Variants in KRTAP17-1 observed in about 807,000 individuals in gnomAD.
The protein encoded by KRTAP17-1 is keratin-associated protein 17-1.
In KRTAP17-1, 2 loss-of-function variants were observed where a neutral mutation model predicts 10.4. The ratio of observed to expected loss-of-function variants is 0.19; its 90% CI spans 0.08 to 0.61. The LOEUF is 0.61. Ranked by LOEUF, KRTAP17-1 falls within the 20% of genes least tolerant of loss-of-function variation. The pLI is 0.89. For missense variants in KRTAP17-1, 143 were observed against 136.8 expected (o/e 1.05, Z -0.23); for synonymous variants, 62 against 52.7 (o/e 1.18, Z -0.77).
At position 41,315,522 on chromosome 17, in the gene KRTAP17-1, GCAGCCAGAGCCCCCA is replaced by G. The variant is rs1348150856; in HGVS notation, c.114_128del (p.Gly47_Ser51del). 8 of 1,570,128 alleles carry G rather than the reference GCAGCCAGAGCCCCCA, an allele frequency of 5.1e-6. No homozygotes were observed. Among genetic ancestry groups the G allele is most frequent in the East Asian group, 2.3e-5 (1 of 42,994 alleles). On this transcript the variant is annotated inframe_deletion, in exon 1 of 1. Coordinates refer to ENST00000334202, the MANE Select transcript of KRTAP17-1 (RefSeq NM_031964.2). ...AGCTGCCCCCGCAGCCAGAGCCCCC[GCAGCCAGAGCCCCCA>G]CAGCCACAGCAGGAGCCGCAGCAGC... is the stretch of plus-strand genomic sequence containing the variant.
Position 41,315,251 on chromosome 17 carries a change from A to T in KRTAP17-1, c.*82T>A. The T allele has an allele frequency of 7.4e-7, 1 of 1,350,674 alleles. No homozygotes were observed. The highest frequency in any genetic ancestry group is 1.0e-6 in the Non-Finnish European group (1 of 982,624). 83.7% of individuals were successfully genotyped at this position (1,350,674 alleles called of 1,614,324 possible). On this transcript the variant is annotated 3_prime_UTR_variant, in exon 1 of 1. Transcript: ENST00000334202. ...CAAGACACTGTCTTGGGGGTATGGA[A>T]GGTTCTGGACACGAGGGGCTGTCCC...
In KRTAP17-1 at chr17:41,315,145, A is replaced by G. The variant is rs765385037; in HGVS notation, c.*188T>C. 2 of 613,258 alleles carry G rather than the reference A, an allele frequency of 3.3e-6. No individual in the cohort carries two copies. Among genetic ancestry groups the G allele is most frequent in the Non-Finnish European group, 5.7e-6 (2 of 351,466 alleles). 38.0% of individuals were successfully genotyped at this position (613,258 alleles called of 1,614,324 possible). A position where few individuals can be genotyped will look rare whatever the true frequency, so the allele number is the denominator to read the frequency against. ...TGACCGAGTTTTAATGTTTCATCAG[A>G]GTATGGCTCTTGTTCTCGGTGCCTT... On this transcript the variant is annotated 3_prime_UTR_variant, in exon 1 of 1. Coordinates refer to ENST00000334202, the MANE Select transcript of KRTAP17-1 (RefSeq NM_031964.2).
Position 41,315,292 on chromosome 17 carries a change from G to A in KRTAP17-1, c.*41C>T. On this transcript the variant is annotated 3_prime_UTR_variant, in exon 1 of 1. Coordinates refer to ENST00000334202, the MANE Select transcript of KRTAP17-1 (RefSeq NM_031964.2). ...GGGCTGTCCCCCTGGAGCAGATGGA[G>A]GCTTTCGGTGGGACTGCATCAGTGG... The A allele has an allele frequency of 6.4e-7, 1 of 1,554,580 alleles. No homozygotes were observed. Among genetic ancestry groups the A allele is most frequent in the African/African-American group, 1.3e-5 (1 of 74,340 alleles).
In KRTAP17-1 at chr17:41,315,271, T is replaced by A; in HGVS notation, c.*62A>T. 2 of 1,489,082 alleles carry A rather than the reference T, an allele frequency of 1.3e-6. No individual in the cohort carries two copies. Among genetic ancestry groups the A allele is most frequent in the Non-Finnish European group, 1.8e-6 (2 of 1,098,230 alleles). 92.2% of individuals were successfully genotyped at this position (1,489,082 alleles called of 1,614,324 possible). On this transcript the variant is annotated 3_prime_UTR_variant, in exon 1 of 1. Coordinates refer to ENST00000334202, the MANE Select transcript of KRTAP17-1 (RefSeq NM_031964.2). ...ATGGAAGGTTCTGGACACGAGGGGC[T>A]GTCCCCCTGGAGCAGATGGAGGCTT...
rs1216069766 is a variant in KRTAP17-1 at position 41,315,328 on chromosome 17, G to A, written c.*5C>T. On this transcript the variant is annotated 3_prime_UTR_variant, in exon 1 of 1. Transcript: ENST00000334202. ...GGACTGCATCAGTGGTGGAGGGAAA[G>A]GTCTTCATTTTGTGTCGCATATAGG... 2 of 1,598,526 alleles carry A rather than the reference G, an allele frequency of 1.3e-6. No individual in the cohort carries two copies. Among genetic ancestry groups the A allele is most frequent in the Admixed American group, 1.7e-5 (1 of 59,772 alleles).
In KRTAP17-1 at chr17:41,315,301, T is replaced by C. The variant is rs755726388; in HGVS notation, c.*32A>G. On this transcript the variant is annotated 3_prime_UTR_variant, in exon 1 of 1. Coordinates refer to ENST00000334202, the MANE Select transcript of KRTAP17-1 (RefSeq NM_031964.2). ...CCCTGGAGCAGATGGAGGCTTTCGGTGGGACTGCATCAGTGGTGGAGGGAA... is the reference window on the plus strand; with the variant it reads ...CCCTGGAGCAGATGGAGGCTTTCGGCGGGACTGCATCAGTGGTGGAGGGAA... 6.4e-7 allele frequency: 1 copy of C among 1,569,756 alleles called. No homozygotes were observed. Among genetic ancestry groups the C allele is most frequent in the South Asian group, 1.2e-5 (1 of 85,790 alleles).
In KRTAP17-1 at chr17:41,315,510, GC is replaced by G; in HGVS notation, c.140del (p.Gly47AlafsTer67). 9.3e-7 allele frequency: 1 copy of G among 1,076,072 alleles called. No individual in the cohort carries two copies. The highest frequency in any genetic ancestry group is 1.3e-6 in the Non-Finnish European group (1 of 792,474). The allele number at this position is 1,076,072 out of a possible 1,614,324, so 66.7% of individuals were successfully genotyped here. A position where few individuals can be genotyped will look rare whatever the true frequency, so the allele number is the denominator to read the frequency against. On this transcript the variant is annotated frameshift_variant, in exon 1 of 1. Transcript: ENST00000334202. LOFTEE classifies it high-confidence loss of function. ...GCGGSGCGGSGCGGSCCGSSC... is the reference protein window; with the variant it reads ...GCGGSGCGGSXCGGSCCGSSC... ...ACGATCCGCAGCAGCTGCCCCCGCA[GC>G]CAGAGCCCCCGCAGCCAGAGCCCCC...
rs917733762 is a variant in KRTAP17-1 at position 41,315,021 on chromosome 17, A to C, written c.*312T>G. On this transcript the variant is annotated 3_prime_UTR_variant, in exon 1 of 1. Transcript: ENST00000334202. ...AGGGCGGAGGATCAGTCCCAAAGAC[A>C]CCTTGAAGAAGAGGATGTCTTATAG... 1.3e-5 allele frequency: 4 copies of C among 305,588 alleles called. No homozygotes were observed. In the South Asian group the frequency reaches 4.2e-4, roughly 32 times the overall value. The allele number at this position is 305,588 out of a possible 1,614,324, so 18.9% of individuals were successfully genotyped here. A position where few individuals can be genotyped will look rare whatever the true frequency, so the allele number is the denominator to read the frequency against.
In KRTAP17-1 at chr17:41,315,519, C is replaced by T. The variant is rs374427338; in HGVS notation, c.132G>A (p.Gly44=). The T allele has an allele frequency of 1.3e-5, 21 of 1,600,952 alleles. No individual in the cohort carries two copies. In the African/African-American group the frequency reaches 2.0e-4, roughly 15 times the overall value. The change falls in exon 1 of 1, where the codon GGG becomes GGA. Residue 44 remains glycine (G), a synonymous_variant. Coordinates refer to ENST00000334202, the MANE Select transcript of KRTAP17-1 (RefSeq NM_031964.2). ...AGCAGCTGCCCCCGCAGCCAGAGCCCCCGCAGCCAGAGCCCCCACAGCCAC... is the reference window on the plus strand; with the variant it reads ...AGCAGCTGCCCCCGCAGCCAGAGCCTCCGCAGCCAGAGCCCCCACAGCCAC... ...SCCGCGGSGC[G]GSGCGGSCCG...
Position 41,315,671 on chromosome 17 carries a change from C to A in KRTAP17-1, c.-21G>T. On this transcript the variant is annotated 5_prime_UTR_variant, in exon 1 of 1. Transcript: ENST00000334202. ...CCCATGGTCCGGGCCCGTCAGCTCG[C>A]AGGTCGGTAACGCAGCCGGAGTTCC... is the stretch of plus-strand genomic sequence containing the variant. The A allele has an allele frequency of 6.4e-7, 1 of 1,571,462 alleles. No homozygotes were observed. Among genetic ancestry groups the A allele is most frequent in the South Asian group, 1.2e-5 (1 of 84,900 alleles).
At position 41,315,446 on chromosome 17, in the gene KRTAP17-1, C is replaced by T. The variant is rs1180596709; in HGVS notation, c.205G>A (p.Gly69Arg). The stretch of plus-strand genomic sequence containing the variant: ...CCACAGCAGCCACCCCCGCAGCCTC[C>T]GCAGCCTCCACAGCCTCCGCAGCCA... ...GSGCGGCGGCGGCGGGCCGSS... is the reference protein window; with the variant it reads ...GSGCGGCGGCRGCGGGCCGSS... The change falls in exon 1 of 1, where the codon GGA becomes AGA. Residue 69 changes from glycine to arginine, a missense_variant. By Grantham distance (125) the Gly-to-Arg change is moderately radical. Coordinates refer to ENST00000334202, the MANE Select transcript of KRTAP17-1 (RefSeq NM_031964.2). 4.4e-6 allele frequency: 7 copies of T among 1,605,038 alleles called. No individual in the cohort carries two copies. The highest frequency in any genetic ancestry group is 1.7e-4 in the Middle Eastern group (1 of 6,042).
rs752974830 is a variant in KRTAP17-1, at chr17:41,315,162, C to T, written c.*171G>A. 19 of 645,620 alleles carry T rather than the reference C, an allele frequency of 2.9e-5. No individual in the cohort carries two copies. Among genetic ancestry groups the T allele is most frequent in the South Asian group, 8.1e-5 (4 of 49,410 alleles). The allele number at this position is 645,620 out of a possible 1,614,324, so 40.0% of individuals were successfully genotyped here. On this transcript the variant is annotated 3_prime_UTR_variant, in exon 1 of 1. Transcript: ENST00000334202. ...TTCATCAGAGTATGGCTCTTGTTCTCGGTGCCTTGAAATACCAGAGAAGGT... is the reference window on the plus strand; with the variant it reads ...TTCATCAGAGTATGGCTCTTGTTCTTGGTGCCTTGAAATACCAGAGAAGGT...
rs2017042773 is a variant in KRTAP17-1, at chr17:41,315,264, G to A, written c.*69C>T. Reference sequence around the variant, plus strand: ...TGGGGGTATGGAAGGTTCTGGACACGAGGGGCTGTCCCCCTGGAGCAGATG... The same window carrying A: ...TGGGGGTATGGAAGGTTCTGGACACAAGGGGCTGTCCCCCTGGAGCAGATG... On this transcript the variant is annotated 3_prime_UTR_variant, in exon 1 of 1. Coordinates refer to ENST00000334202, the MANE Select transcript of KRTAP17-1 (RefSeq NM_031964.2). The A allele has an allele frequency of 3.4e-6, 5 of 1,463,750 alleles. No individual in the cohort carries two copies. Among genetic ancestry groups the A allele is most frequent in the East Asian group, 2.3e-5 (1 of 43,996 alleles). 90.7% of individuals were successfully genotyped at this position (1,463,750 alleles called of 1,614,324 possible). A position where few individuals can be genotyped will look rare whatever the true frequency, so the allele number is the denominator to read the frequency against.
rs2017038793 is a variant in KRTAP17-1, at chr17:41,314,947, G to A, written c.*386C>T. The A allele has an allele frequency of 5.5e-6, 1 of 181,176 alleles. No individual in the cohort carries two copies. The highest frequency in any genetic ancestry group is 2.3e-5 in the African/African-American group (1 of 42,596). 11.2% of individuals were successfully genotyped at this position (181,176 alleles called of 1,614,324 possible). On this transcript the variant is annotated 3_prime_UTR_variant, in exon 1 of 1. Coordinates refer to ENST00000334202, the MANE Select transcript of KRTAP17-1 (RefSeq NM_031964.2). The stretch of plus-strand genomic sequence containing the variant: ...CCAGCATGCTCAAATTTATTAAGAG[G>A]CTCACAAAGAAGATGGACCTTTTTT...
At position 41,315,554 on chromosome 17, in the gene KRTAP17-1, C is replaced by A; in HGVS notation, c.97G>T (p.Gly33Cys). The A allele has an allele frequency of 6.2e-7, 1 of 1,612,062 alleles. No individual in the cohort carries two copies. The highest frequency in any genetic ancestry group is 8.5e-7 in the Non-Finnish European group (1 of 1,179,300). The change falls in exon 1 of 1, where the codon GGC (glycine) becomes TGC (cysteine). Residue 33 changes from glycine to cysteine, a missense_variant. Gly to Cys is a radical substitution (Grantham distance 159). Coordinates refer to ENST00000334202, the MANE Select transcript of KRTAP17-1 (RefSeq NM_031964.2). ...GAGCCCCCACAGCCACAGCAGGAGC[C>A]GCAGCAGCCACAGCAGCCCGGCTGA... ...CCQPGCCGCC[G>C]SCCGCGGSGC...
Position 41,315,322 on chromosome 17 carries a change from G to A in KRTAP17-1, c.*11C>T. ...TCGGTGGGACTGCATCAGTGGTGGA[G>A]GGAAAGGTCTTCATTTTGTGTCGCA... On this transcript the variant is annotated 3_prime_UTR_variant, in exon 1 of 1. Transcript: ENST00000334202. 1 of 1,594,316 alleles carries A rather than the reference G, an allele frequency of 6.3e-7. No homozygotes were observed.
Position 41,315,643 on chromosome 17 carries a change from C to T in KRTAP17-1, c.8G>A (p.Cys3Tyr). The T allele has an allele frequency of 6.2e-7, 1 of 1,602,836 alleles. No homozygotes were observed. Among genetic ancestry groups the T allele is most frequent in the Non-Finnish European group, 8.5e-7 (1 of 1,172,732 alleles). Residue 3 changes from cysteine (C) to tyrosine (Y), a missense_variant, in exon 1 of 1, where the codon TGC becomes TAC. Physicochemically the swap from Cys to Tyr is radical, Grantham distance 194. Transcript: ENST00000334202. MG[C>Y]CPGDCFTCCT... is the part of the protein sequence containing the mutation. ...GCAGGTGAAGCAGTCCCCCGGGCAG[C>T]ACCCCATGGTCCGGGCCCGTCAGCT... is the stretch of plus-strand genomic sequence containing the variant.
rs2017050275 is a variant in KRTAP17-1, at chr17:41,315,545, A to C, written c.106T>G (p.Cys36Gly). ...PGCCGCCGSC[C>G]GCGGSGCGGS... ...CCGCAGCCAGAGCCCCCACAGCCACAGCAGGAGCCGCAGCAGCCACAGCAG... is the reference window on the plus strand; with the variant it reads ...CCGCAGCCAGAGCCCCCACAGCCACCGCAGGAGCCGCAGCAGCCACAGCAG... Residue 36 changes from cysteine to glycine, a missense_variant, in exon 1 of 1, where the codon TGT (cysteine) becomes GGT (glycine). Physicochemically the swap from Cys to Gly is radical, Grantham distance 159 (BLOSUM62 -3). Transcript: ENST00000334202. 3.7e-6 allele frequency: 6 copies of C among 1,610,942 alleles called. No individual in the cohort carries two copies. The highest frequency in any genetic ancestry group is 5.1e-6 in the Non-Finnish European group (6 of 1,178,608).
Position 41,315,548 on chromosome 17 carries a change from A to C in KRTAP17-1, c.103T>G (p.Cys35Gly). 6.2e-7 allele frequency: 1 copy of C among 1,610,816 alleles called. No homozygotes were observed. Among genetic ancestry groups the C allele is most frequent in the Non-Finnish European group, 8.5e-7 (1 of 1,178,612 alleles). The change falls in exon 1 of 1, where the codon TGC (cysteine) becomes GGC (glycine). Residue 35 changes from cysteine (C) to glycine (G), a missense_variant. By Grantham distance (159) the Cys-to-Gly change is radical. Coordinates refer to ENST00000334202, the MANE Select transcript of KRTAP17-1 (RefSeq NM_031964.2). ...QPGCCGCCGS[C>G]CGCGGSGCGG... ...CAGCCAGAGCCCCCACAGCCACAGCAGGAGCCGCAGCAGCCACAGCAGCCC... is the reference window on the plus strand; with the variant it reads ...CAGCCAGAGCCCCCACAGCCACAGCCGGAGCCGCAGCAGCCACAGCAGCCC...
Sources: gnomAD v4.1 joint callset for allele counts on GRCh38, gnomAD v4.1.1 for gene constraint, MANE v1.5 for transcripts, NCBI Gene and HGNC (gene_info 2026-07-23, HGNC 2026-07-21) for gene names.